The following CPS1 variants were observed in gnomAD, a reference collection of about 807,000 sequenced individuals.
CPS1 encodes the protein carbamoyl-phosphate synthase 1, also known as carbamoyl-phosphate synthase [ammonia], mitochondrial.
Under a neutral mutation model 174.6 loss-of-function variants are expected in CPS1, and 109 were observed. That is an observed-to-expected ratio of 0.62 (90% CI 0.53 to 0.73). The LOEUF (loss-of-function observed/expected upper bound fraction) is 0.73, where lower values mean the gene tolerates loss of function less well. Ranked by LOEUF, CPS1 falls within the 30% of genes least tolerant of loss-of-function variation. CPS1 has a pLI of 0.00. For missense variants in CPS1, 1,689 were observed against 1,821.9 expected, an observed-to-expected ratio of 0.93 and a Z score of 1.33; for synonymous variants, 637 against 632.0, an observed-to-expected ratio of 1.01 and a Z score of -0.12.
intron 13 of CPS1, among the ~76,000 whole-genome samples, chr2:210,597,566 C>A (rs901963287): frequency 6.6e-6 from 1 of 151,740 alleles, no homozygotes; most frequent in East Asian, 1.9e-4. Flanking sequence ...TCAGATCCTC[C>A]CCAAAGATAT....
At chr2:210,565,750 A>C (rs1432780933) in intron 1 of CPS1, among the ~76,000 whole-genome samples, 1 of 152,136 alleles carries the variant, frequency 6.6e-6, no homozygotes, top group African/African-American at 2.4e-5. Flanking sequence ...TTGGTTGTTC[A>C]AATAAAGTGA....
chr2:210,617,739 A>G (rs1278921697), intron 21 of CPS1: 2 of 152,152 alleles, frequency 1.3e-5, no homozygotes, highest in East Asian at 3.9e-4. Flanking sequence ...CATAAAATGA[A>G]CAGTAGACAG....
chr2:210,547,106 T>G (rs1442498226), intron 1 of CPS1, among the ~76,000 whole-genome samples: 1 of 152,066 alleles, frequency 6.6e-6, no homozygotes, highest in East Asian at 1.9e-4. Context: ...ACCATTGTGT[T>G]TGCCTAAGAG....
At chr2:210,634,586 G>A (rs920478002) in intron 21 of CPS1, among the ~76,000 whole-genome samples, 2 of 151,922 alleles carry the variant, frequency 1.3e-5, no homozygotes, top group African/African-American at 2.4e-5. Context: ...CTTCTCCATT[G>A]GCAGCTGGGG....
intron 1 of CPS1, among the ~76,000 whole-genome samples, chr2:210,515,958 C>T (rs1204913837): frequency 1.3e-5 from 2 of 151,760 alleles, no homozygotes; most frequent in Non-Finnish European, 2.9e-5. Context: ...TCATTGTTTA[C>T]CCAAAAGTCA....
At chr2:210,483,781 C>CA (rs1694638231) in intron 1 of CPS1, among the ~76,000 whole-genome samples, 1 of 152,162 alleles carries the variant, frequency 6.6e-6, no homozygotes, top group Non-Finnish European at 1.5e-5. Context: ...CATCTGTCTG[C>CA]AAAAATCACA....
intron 21 of CPS1, among the ~76,000 whole-genome samples, chr2:210,622,352 T>G (rs1211915094): frequency 6.6e-6 from 1 of 151,752 alleles, no homozygotes; most frequent in African/African-American, 2.4e-5. Flanking sequence ...TAAGTGTGCA[T>G]GTAAATATAT....
intron 30 of CPS1, 64 bp from the exon 31 acceptor site, chr2:210,658,535 A>T: frequency 7.5e-7 from 1 of 1,337,788 alleles, no homozygotes; most frequent in Non-Finnish European, 1.1e-6. Flanking sequence ...TGTGCCTTTT[A>T]GAAAGTTTTC....
intron 1 of CPS1, among the ~76,000 whole-genome samples, chr2:210,563,995 C>A (rs925860629): frequency 2.6e-5 from 4 of 152,124 alleles, no homozygotes; most frequent in African/African-American, 9.7e-5. Context: ...ATTGCAGTCA[C>A]TTATTTGTGG....
chr2:210,633,017 G>A (rs1481705583), intron 21 of CPS1, among the ~76,000 whole-genome samples: 1 of 152,150 alleles, frequency 6.6e-6, no homozygotes, highest in Non-Finnish European at 1.5e-5. Flanking sequence ...ATCAACTAGT[G>A]AGATTAAAAT....
At chr2:210,580,643 C>T (rs1424869460) in intron 5 of CPS1, among the ~76,000 whole-genome samples, 1 of 152,028 alleles carries the variant, frequency 6.6e-6, no homozygotes, top group African/African-American at 2.4e-5. Flanking sequence ...AAACGGATCA[C>T]TTGAGGTCAG....
At chr2:210,599,244 C>A in intron 13 of CPS1, 128 bp from the exon 14 acceptor site, 1 of 779,744 alleles carries the variant, frequency 1.3e-6, no homozygotes. Context: ...ATTCACTAGT[C>A]CTGTTACGGA....
intron 21 of CPS1, among the ~76,000 whole-genome samples, chr2:210,621,498 C>G (rs965731054): frequency 3.9e-5 from 6 of 152,114 alleles, no homozygotes; most frequent in Middle Eastern, 3.2e-3. Flanking sequence ...TTTTCCCATA[C>G]TCACTCTCCC....
At chr2:210,511,868 G>A (rs115051322) in intron 1 of CPS1, among the ~76,000 whole-genome samples, 2,420 of 152,046 alleles carry the variant, frequency 0.016, 51 homozygotes, top group African/African-American at 0.05. Context: ...ACACATTGTG[G>A]TTTCAATAAT....
intron 20 of CPS1, among the ~76,000 whole-genome samples, chr2:210,614,055 T>C (rs1699223298): frequency 6.6e-6 from 1 of 151,942 alleles, no homozygotes. Context: ...AGGTCTGATT[T>C]TTACAGCAGT....
chr2:210,509,995 A>G (rs980205689), intron 1 of CPS1, among the ~76,000 whole-genome samples: 2 of 152,192 alleles, frequency 1.3e-5, no homozygotes, highest in African/African-American at 4.8e-5. Flanking sequence ...CAAGCTACCA[A>G]TGACTTTCTT....
At chr2:210,619,171 G>T (rs959339330) in intron 21 of CPS1, 1 of 152,110 alleles carries the variant, frequency 6.6e-6, no homozygotes, top group African/African-American at 2.4e-5. Context: ...TAAATTAAGA[G>T]AAAAAATATA....
chr2:210,554,918 A>C (rs1283797008), upstream of CPS1, among the ~76,000 whole-genome samples: 1 of 151,776 alleles, frequency 6.6e-6, no homozygotes, highest in African/African-American at 2.4e-5. Context: ...GGACTAAGCC[A>C]GTAAGTACTG....
At position 210,675,831 on chromosome 2, in the gene CPS1, C is replaced by T; in HGVS notation, c.4265C>T (p.Ser1422Phe). The T allele has an allele frequency of 6.7e-7, 1 of 1,493,160 alleles. No homozygotes were observed. Among genetic ancestry groups the T allele is most frequent in the Non-Finnish European group, 9.3e-7 (1 of 1,069,868 alleles). 92.5% of individuals were successfully genotyped at this position (1,493,160 alleles called of 1,614,324 possible). ...SQEGQNPSLS[S>F]IRKLIRDGSI... is the part of the protein sequence containing the mutation. ...GAAGGACAGAATCCCAGCCTCTCTT[C>T]CATCAGAAAGTAAGAACTAGGCATA... The change falls in exon 36 of 38, where the codon TCC becomes TTC. Residue 1422 changes from serine (S) to phenylalanine (F), a missense_variant. Coordinates refer to ENST00000233072, the MANE Select transcript of CPS1 (RefSeq NM_001875.5).
Sources: allele counts gnomAD v4.1 joint callset (sites outside exome capture counted in the v4.1 genomes callset), GRCh38; gene constraint gnomAD v4.1.1; transcripts MANE v1.5; gene names NCBI Gene and HGNC (gene_info 2026-07-23, HGNC 2026-07-21).